The following EN2 variants were observed in gnomAD, a reference collection of about 807,000 sequenced individuals.
EN2 encodes homeobox protein engrailed-2.
A neutral mutation model predicts 25.0 loss-of-function variants in EN2; 7 were observed. The observed-to-expected ratio is 0.28, with a 90% CI of 0.16 to 0.53. The LOEUF (loss-of-function observed/expected upper bound fraction) is 0.53, where lower values mean the gene tolerates loss of function less well. EN2 is among the 20% of genes least tolerant of loss of function. The pLI is 0.96. For synonymous variants in EN2, 277 were observed against 243.3 expected (o/e 1.14, Z -1.29); for missense variants, 524 against 501.8 (o/e 1.04, Z -0.42).
chr7:155,458,556 A>T lies in EN2; in HGVS notation c.179A>T (p.His60Leu). ...GCGGTCCTGCAGGCGCCCGGCAACC[A>T]CCAGCACCCGCACCGCATCACCAAC... ...LPAVLQAPGN[H>L]QHPHRITNFF... The change falls in exon 1 of 2, where the codon CAC becomes CTC. Residue 60 changes from histidine (H) to leucine (L), a missense_variant. Physicochemically the swap from His to Leu is moderately conservative, Grantham distance 99 (BLOSUM62 -3). Coordinates refer to ENST00000297375, the MANE Select transcript of EN2 (RefSeq NM_001427.4). The T allele has an allele frequency of 7.0e-7, 1 of 1,431,224 alleles. No individual in the cohort carries two copies. The highest frequency in any genetic ancestry group is 9.2e-7 in the Non-Finnish European group (1 of 1,087,524). The allele number at this position is 1,431,224 out of a possible 1,614,324, so 88.7% of individuals were successfully genotyped here.
At position 155,458,645 on chromosome 7, in the gene EN2, G is replaced by A. The variant is rs771011601; in HGVS notation, c.268G>A (p.Ala90Thr). 9 of 1,416,294 alleles carry A rather than the reference G, an allele frequency of 6.4e-6. No individual in the cohort carries two copies. In the Middle Eastern group the frequency reaches 6.1e-4, roughly 96 times the overall value. The allele number at this position is 1,416,294 out of a possible 1,614,324, so 87.7% of individuals were successfully genotyped here. ...GCGAAAGGACGCGGGGACCTGCTGT[G>A]CGGGCGCGGGAGGAGGAAGGGGCGG... ...GRRKDAGTCC[A>T]GAGGGRGGGA... Residue 90 changes from alanine to threonine, a missense_variant, in exon 1 of 2, where the codon GCG becomes ACG. Ala to Thr is a moderately conservative substitution (Grantham distance 58). Transcript: ENST00000297375.
Position 155,462,358 on chromosome 7 carries a change from C to G in EN2, c.686-13C>G. 2 of 1,593,956 alleles carry G rather than the reference C, an allele frequency of 1.3e-6. No homozygotes were observed. The highest frequency in any genetic ancestry group is 1.1e-5 in the South Asian group (1 of 88,134). Reference sequence around the variant, plus strand: ...GGTAACCTGACTTCTCTCTGTCCACCGTATCTACCCAGGTCCCAGGTCTCG... The same window carrying G: ...GGTAACCTGACTTCTCTCTGTCCACGGTATCTACCCAGGTCCCAGGTCTCG... On this transcript the variant is annotated splice_polypyrimidine_tract_variant and intron_variant, in intron 1 of 1. Transcript: ENST00000297375.
In EN2 at chr7:155,463,995, A is replaced by AACACACACACAC. The variant is rs35869460; in HGVS notation, c.*1321_*1332dup. On this transcript the variant is annotated 3_prime_UTR_variant, in exon 2 of 2. Transcript: ENST00000297375. ...TTACACATATGTCTGCATGCATGTGAACACACACACACACACACACACACC... is the reference window on the plus strand; with the variant it reads ...TTACACATATGTCTGCATGCATGTGAACACACACACACACACACACACACACACACACACACC... 3 of 133,380 alleles carry AACACACACACAC rather than the reference A, an allele frequency of 2.2e-5. No homozygotes were observed. The highest frequency in any genetic ancestry group is 7.5e-5 in the African/African-American group (3 of 40,024). 8.3% of individuals were successfully genotyped at this position (133,380 alleles called of 1,614,324 possible). A position where few individuals can be genotyped will look rare whatever the true frequency, so the allele number is the denominator to read the frequency against.
rs531423189 is a variant in EN2, at chr7:155,462,608, C to T, written c.923C>T (p.Thr308Met). The T allele has an allele frequency of 9.3e-6, 15 of 1,613,844 alleles. No homozygotes were observed. The highest frequency in any genetic ancestry group is 3.3e-5 in the South Asian group (3 of 91,058). Reference protein sequence around the residue: ...KIKKATGNKNTLAVHLMAQGL... With the variant: ...KIKKATGNKNMLAVHLMAQGL... ...AAGAAGGCCACGGGCAACAAGAACA[C>T]GCTGGCCGTGCACCTCATGGCACAG... Residue 308 changes from threonine to methionine, a missense_variant, in exon 2 of 2, where the codon ACG becomes ATG. Coordinates refer to ENST00000297375, the MANE Select transcript of EN2 (RefSeq NM_001427.4).
intron 1 of EN2, among the ~76,000 whole-genome samples, chr7:155,461,378 C>G (rs533942392): frequency 1.3e-5 from 2 of 152,258 alleles, no homozygotes; most frequent in African/African-American, 2.4e-5. Context: ...GATGACACTT[C>G]CCTCCTTCTG....
Position 155,458,130 on chromosome 7 carries a change from C to T in EN2, c.-248C>T, listed in dbSNP as rs1323768853. 5.4e-5 allele frequency: 21 copies of T among 390,366 alleles called. No individual in the cohort carries two copies. Among genetic ancestry groups the T allele is most frequent in the Non-Finnish European group, 8.4e-5 (19 of 226,052 alleles). The allele number at this position is 390,366 out of a possible 1,614,324, so 24.2% of individuals were successfully genotyped here. ...AGTCGAGGACTTGGCTCTGTTGAAT[C>T]TCTCATCGTCTGGGCGAGCGGGGCG... On this transcript the variant is annotated 5_prime_UTR_variant, in exon 1 of 2. Transcript: ENST00000297375.
chr7:155,459,309 C>T (rs1795668621), intron 1 of EN2, among the ~76,000 whole-genome samples: 2 of 152,160 alleles, frequency 1.3e-5, no homozygotes, highest in African/African-American at 4.8e-5. Flanking sequence ...TTCTTTCTTT[C>T]TCTGTCTCTC....
intron 1 of EN2, among the ~76,000 whole-genome samples, chr7:155,459,973 G>A (rs979352573): frequency 3.3e-5 from 5 of 152,232 alleles, no homozygotes; most frequent in Admixed American, 6.5e-5. Context: ...GTCTGCGGCT[G>A]GGAACCGCCA....
chr7:155,458,638 C>A lies in EN2; in HGVS notation c.261C>A (p.Thr87=). Residue 87 remains threonine (T), a synonymous_variant, in exon 1 of 2, where the codon ACC becomes ACA. Transcript: ENST00000297375. The part of the protein sequence containing the change: ...PEFGRRKDAG[T]CCAGAGGGRG... ...TCGGCCGGCGAAAGGACGCGGGGACCTGCTGTGCGGGCGCGGGAGGAGGAA... is the reference window on the plus strand; with the variant it reads ...TCGGCCGGCGAAAGGACGCGGGGACATGCTGTGCGGGCGCGGGAGGAGGAA... The A allele has an allele frequency of 4.2e-6, 6 of 1,433,064 alleles. No individual in the cohort carries two copies. Among genetic ancestry groups the A allele is most frequent in the Non-Finnish European group, 5.5e-6 (6 of 1,090,918 alleles). 88.8% of individuals were successfully genotyped at this position (1,433,064 alleles called of 1,614,324 possible). A position where few individuals can be genotyped will look rare whatever the true frequency, so the allele number is the denominator to read the frequency against.
At position 155,458,983 on chromosome 7, in the gene EN2, C is replaced by G. The variant is rs765844388; in HGVS notation, c.606C>G (p.Ala202=). 1.4e-5 allele frequency: 21 copies of G among 1,552,090 alleles called. No individual in the cohort carries two copies. The highest frequency in any genetic ancestry group is 5.5e-5 in the Admixed American group (3 of 54,094). Reference sequence around the variant, plus strand: ...GCTCGGACTCGGACAGCTCGCAAGCCGGCGCCAACCTGGGCGCGCAGCCCA... The same window carrying G: ...GCTCGGACTCGGACAGCTCGCAAGCGGGCGCCAACCTGGGCGCGCAGCCCA... ...SVSSDSDSSQ[A]GANLGAQPML... The change falls in exon 1 of 2, where the codon GCC becomes GCG. Residue 202 remains alanine (A), a synonymous_variant. Coordinates refer to ENST00000297375, the MANE Select transcript of EN2 (RefSeq NM_001427.4).
chr7:155,458,862 C>T lies in EN2; in HGVS notation c.485C>T (p.Ser162Leu), dbSNP rs1389293393. 1 of 1,491,666 alleles carries T rather than the reference C, an allele frequency of 6.7e-7. No individual in the cohort carries two copies. The highest frequency in any genetic ancestry group is 8.9e-7 in the Non-Finnish European group (1 of 1,129,012). 92.4% of individuals were successfully genotyped at this position (1,491,666 alleles called of 1,614,324 possible). A position where few individuals can be genotyped will look rare whatever the true frequency, so the allele number is the denominator to read the frequency against. ...GGGGAAGGCGGCTCCAAGACGCTCT[C>T]GCTGCACGGTGGCGCCAAGAAAGGC... ...GDGEGGSKTLSLHGGAKKGGD... is the reference protein window; with the variant it reads ...GDGEGGSKTLLLHGGAKKGGD... Residue 162 changes from serine (S) to leucine (L), a missense_variant, in exon 1 of 2, where the codon TCG becomes TTG. Ser to Leu is a moderately radical substitution (Grantham distance 145). Coordinates refer to ENST00000297375, the MANE Select transcript of EN2 (RefSeq NM_001427.4).
Position 155,459,041 on chromosome 7 carries a change from T to C in EN2, c.664T>C (p.Tyr222His), listed in dbSNP as rs1313520088. ...GCCGGCGTGGGTCTACTGTACGCGC[T>C]ACTCGGACCGGCCTTCTTCAGGTGA... ...LWPAWVYCTR[Y>H]SDRPSSGPRS... The change falls in exon 1 of 2, where the codon TAC becomes CAC. Residue 222 changes from tyrosine (Y) to histidine (H), a missense_variant. Transcript: ENST00000297375. 1 of 1,582,154 alleles carries C rather than the reference T, an allele frequency of 6.3e-7. No individual in the cohort carries two copies. The highest frequency in any genetic ancestry group is 8.5e-7 in the Non-Finnish European group (1 of 1,172,954).
intron 1 of EN2, among the ~76,000 whole-genome samples, chr7:155,461,033 C>A (rs1005235860): frequency 6.6e-6 from 1 of 152,196 alleles, no homozygotes; most frequent in Admixed American, 6.5e-5. Flanking sequence ...GCCTCCAGTT[C>A]GTCCCCCACC....
chr7:155,458,257 A>G lies in EN2; in HGVS notation c.-121A>G. On this transcript the variant is annotated 5_prime_UTR_variant, in exon 1 of 2. Coordinates refer to ENST00000297375, the MANE Select transcript of EN2 (RefSeq NM_001427.4). ...TCAGCCCTGGCCGCGGCCGCCGCGCACGCCCTCGGAAGACTCGGCGGGGTG... is the reference window on the plus strand; with the variant it reads ...TCAGCCCTGGCCGCGGCCGCCGCGCGCGCCCTCGGAAGACTCGGCGGGGTG... 8.2e-7 allele frequency: 1 copy of G among 1,218,846 alleles called. No individual in the cohort carries two copies. 75.5% of individuals were successfully genotyped at this position (1,218,846 alleles called of 1,614,324 possible).
chr7:155,460,622 T>C (rs905301815), intron 1 of EN2, among the ~76,000 whole-genome samples: 6 of 151,772 alleles, frequency 4.0e-5, no homozygotes, highest in Admixed American at 3.3e-4. Flanking sequence ...AGTTTGGGGG[T>C]AGAGTTCTGG....
At position 155,458,703 on chromosome 7, in the gene EN2, C is replaced by T. The variant is rs764457005; in HGVS notation, c.326C>T (p.Ala109Val). ...GAGGEGGASGAEGGGGAGGSE... is the reference protein window; with the variant it reads ...GAGGEGGASGVEGGGGAGGSE... ...GGCGGCGAAGGCGGCGCGAGCGGTG[C>T]GGAGGGAGGCGGCGGCGCGGGCGGC... is the stretch of plus-strand genomic sequence containing the variant. Residue 109 changes from alanine to valine, a missense_variant, in exon 1 of 2, where the codon GCG becomes GTG. Coordinates refer to ENST00000297375, the MANE Select transcript of EN2 (RefSeq NM_001427.4). 7.4e-6 allele frequency: 10 copies of T among 1,342,676 alleles called. No homozygotes were observed. Among genetic ancestry groups the T allele is most frequent in the Admixed American group, 4.2e-5 (1 of 24,034 alleles). 83.2% of individuals were successfully genotyped at this position (1,342,676 alleles called of 1,614,324 possible).
chr7:155,464,375 G>T lies in EN2; in HGVS notation c.*1688G>T, dbSNP rs1378113616. The T allele has an allele frequency of 1.8e-4, 28 of 152,580 alleles. No individual in the cohort carries two copies. The highest frequency in any genetic ancestry group is 1.8e-3 in the Admixed American group (27 of 15,286). 9.5% of individuals were successfully genotyped at this position (152,580 alleles called of 1,614,324 possible). Reference sequence around the variant, plus strand: ...GGGTGTGCCCACGGCTGACCCAGGGGTGTGCACACGGCTGAGCTGGGAGTC... The same window carrying T: ...GGGTGTGCCCACGGCTGACCCAGGGTTGTGCACACGGCTGAGCTGGGAGTC... On this transcript the variant is annotated 3_prime_UTR_variant, in exon 2 of 2. Coordinates refer to ENST00000297375, the MANE Select transcript of EN2 (RefSeq NM_001427.4).
At position 155,462,637 on chromosome 7, in the gene EN2, T is replaced by C. The variant is rs2361689; in HGVS notation, c.952T>C (p.Leu318=). ...TLAVHLMAQG[L]YNHSTTAKEG... The stretch of plus-strand genomic sequence containing the variant: ...GGCCGTGCACCTCATGGCACAGGGC[T>C]TGTACAACCACTCCACCACAGCCAA... Residue 318 remains leucine (L), a synonymous_variant, in exon 2 of 2, where the codon TTG becomes CTG. Transcript: ENST00000297375. 537,719 of 1,608,388 alleles carry C rather than the reference T, an allele frequency of 0.33. 92,113 individuals are homozygous for C. Among genetic ancestry groups the C allele is most frequent in the Admixed American group, 0.47 (27,648 of 58,898 alleles).
chr7:155,458,506 G>T lies in EN2; in HGVS notation c.129G>T (p.Gly43=), dbSNP rs1044169405. 1 of 1,324,742 alleles carries T rather than the reference G, an allele frequency of 7.5e-7. No individual in the cohort carries two copies. Among genetic ancestry groups the T allele is most frequent in the Admixed American group, 4.0e-5 (1 of 24,728 alleles). The allele number at this position is 1,324,742 out of a possible 1,614,324, so 82.1% of individuals were successfully genotyped here. ...GGSSPGEADT[G]RRRALMLPAV... is the part of the protein sequence containing the mutation. ...GCAGCCCGGGCGAAGCGGACACCGG[G>T]CGCCGGCGGGCTCTGATGCTGCCCG... Residue 43 remains glycine, a synonymous_variant, in exon 1 of 2, where the codon GGG becomes GGT. Coordinates refer to ENST00000297375, the MANE Select transcript of EN2 (RefSeq NM_001427.4).
Sources: allele counts gnomAD v4.1 joint callset (sites outside exome capture counted in the v4.1 genomes callset), GRCh38; gene constraint gnomAD v4.1.1; transcripts MANE v1.5; gene names NCBI Gene and HGNC (gene_info 2026-07-23, HGNC 2026-07-21).